The following DPYSL2 variants were observed in gnomAD, a reference collection of about 807,000 sequenced individuals.
The protein encoded by DPYSL2 is dihydropyrimidinase-related protein 2.
A neutral mutation model predicts 69.9 loss-of-function variants in DPYSL2; 13 were observed. That is an observed-to-expected ratio of 0.19 (90% confidence interval 0.12 to 0.30). DPYSL2 has a LOEUF of 0.30. Among genes scored for constraint, DPYSL2 ranks in the 10% least tolerant of loss-of-function variants. The probability of loss-of-function intolerance (pLI) is 1.00; values close to 1 mark genes in which losing one functional copy is unlikely to be tolerated. For missense variants in DPYSL2, 587 were observed against 918.9 expected (o/e 0.64, Z 4.67); for synonymous variants, 326 against 359.1 (o/e 0.91, Z 1.04).
At chr8:26,595,034 A>G (rs1468901988) in intron 3 of DPYSL2, among the ~76,000 whole-genome samples, 2 of 152,000 alleles carry the variant, frequency 1.3e-5, no homozygotes, top group Non-Finnish European at 2.9e-5. Flanking sequence ...AAATCAATCA[A>G]TCAATCAATC....
chr8:26,576,528 A>G (rs1264223885), intron 1 of DPYSL2, among the ~76,000 whole-genome samples: 1 of 152,164 alleles, frequency 6.6e-6, no homozygotes, highest in Non-Finnish European at 1.5e-5. Context: ...CTGAGGATCA[A>G]CTGGATCAGC....
intron 1 of DPYSL2, among the ~76,000 whole-genome samples, chr8:26,532,938 C>T (rs1422701926): frequency 6.6e-6 from 1 of 152,110 alleles, no homozygotes; most frequent in South Asian, 2.1e-4. Context: ...GAGGAACTGC[C>T]AAACTGTTTC....
At chr8:26,526,583 T>C (rs1808481625) in intron 1 of DPYSL2, among the ~76,000 whole-genome samples, 1 of 152,218 alleles carries the variant, frequency 6.6e-6, no homozygotes. Flanking sequence ...TCTAGAACCA[T>C]GGTGATAATA....
chr8:26,601,074 A>G (rs1455223742), intron 3 of DPYSL2, among the ~76,000 whole-genome samples: 2 of 152,196 alleles, frequency 1.3e-5, no homozygotes, highest in Admixed American at 6.5e-5. Context: ...CCTGCCGCTG[A>G]TGGAGATTCC....
intron 1 of DPYSL2, among the ~76,000 whole-genome samples, chr8:26,576,676 C>T (rs1477944246): frequency 6.6e-6 from 1 of 152,248 alleles, no homozygotes; most frequent in Non-Finnish European, 1.5e-5. Flanking sequence ...AAGGCTCTGC[C>T]TGGGCAGTCA....
chr8:26,622,884 GT>G (rs1178978525), intron 3 of DPYSL2, among the ~76,000 whole-genome samples: 5 of 152,176 alleles, frequency 3.3e-5, no homozygotes, highest in Non-Finnish European at 7.3e-5. Flanking sequence ...ATGGACTGAT[GT>G]TTTCTTAGCT....
At position 26,655,661 on chromosome 8, in the gene DPYSL2, C is replaced by A; in HGVS notation, c.1989C>A (p.Ile663=). ...DNIPRRTTQR[I]VAPPGGRANI... ...TTCCCCGCCGCACCACCCAGCGTAT[C>A]GTGGCGCCCCCCGGTGGCCGTGCCA... Residue 663 remains isoleucine, a synonymous_variant, in exon 14 of 14, where the codon ATC becomes ATA. Transcript: ENST00000521913. The A allele has an allele frequency of 1.2e-6, 2 of 1,610,046 alleles. No individual in the cohort carries two copies. The highest frequency in any genetic ancestry group is 1.7e-6 in the Non-Finnish European group (2 of 1,179,502).
At position 26,639,435 on chromosome 8, in the gene DPYSL2, C is replaced by T. The variant is rs957844021; in HGVS notation, c.1127-4004C>T. Among the ~76,000 whole-genome samples the T allele has an allele frequency of 1.2e-4, 18 of 152,184 alleles. 1 individual carries two copies. Among genetic ancestry groups the T allele is most frequent in the Admixed American group, 9.8e-4 (15 of 15,280 alleles). The stretch of plus-strand genomic sequence containing the variant: ...TCCCAATCTATGCCCTCACTTTTAA[C>T]GGCAGATGGTCTGCAAGGTTGGGAA... On this transcript the variant is annotated intron_variant, in intron 8 of 13. Transcript: ENST00000521913.
rs530605777 is a variant in DPYSL2, at chr8:26,620,951, A to C, written c.629-3192A>C. ...CCACATCTACATACACATATTTTACATACACATATACACATATAAATACAC... is the reference window on the plus strand; with the variant it reads ...CCACATCTACATACACATATTTTACCTACACATATACACATATAAATACAC... On this transcript the variant is annotated intron_variant, in intron 3 of 13. Transcript: ENST00000521913. This position sits in a 1 kb window ranked among gnomAD's most constrained non-coding sequence, Gnocchi z 4.5. Among the ~76,000 whole-genome samples the C allele has an allele frequency of 6.6e-6, 1 of 152,340 alleles. No individual in the cohort carries two copies. The highest frequency in any genetic ancestry group is 2.1e-4 in the South Asian group (1 of 4,826).
Position 26,647,656 on chromosome 8 carries a change from G to T in DPYSL2, c.1452G>T (p.Gln484His). The T allele has an allele frequency of 6.2e-7, 1 of 1,613,794 alleles. No homozygotes were observed. Residue 484 changes from glutamine (Q) to histidine (H), a missense_variant, in exon 11 of 14, where the codon CAG becomes CAT. By Grantham distance (24) the Gln-to-His change is conservative (BLOSUM62 0). Coordinates refer to ENST00000521913, the MANE Select transcript of DPYSL2 (RefSeq NM_001197293.3). The surrounding 1 kb of genome is among the most constrained non-coding windows in gnomAD (Gnocchi z 5.1). ...AVVTGKMDENQFVAVTSTNAA... is the reference protein window; with the variant it reads ...AVVTGKMDENHFVAVTSTNAA... ...TCACTGGGAAGATGGATGAGAACCAGTTTGTGGCTGTGACCAGCACCAATG... is the reference window on the plus strand; with the variant it reads ...TCACTGGGAAGATGGATGAGAACCATTTTGTGGCTGTGACCAGCACCAATG...
chr8:26,561,080 G>A (rs10108849), intron 1 of DPYSL2, among the ~76,000 whole-genome samples: 5 of 151,916 alleles, frequency 3.3e-5, no homozygotes, highest in Non-Finnish European at 4.4e-5. Flanking sequence ...TGGGAGGGGG[G>A]TGAGTATGAG....
Position 26,571,882 on chromosome 8 carries a change from C to T in DPYSL2, c.355-10087C>T, listed in dbSNP as rs960558880. ...CAGTCTCTGACCCTTCAGAGCTACA[C>T]ACACAAAGAAAACGATCGTCATTGC... On this transcript the variant is annotated intron_variant, in intron 1 of 13. Transcript: ENST00000521913. This position sits in a 1 kb window ranked among gnomAD's most constrained non-coding sequence, Gnocchi z 6.1. Among the ~76,000 whole-genome samples the T allele has an allele frequency of 6.6e-6, 1 of 152,216 alleles. No homozygotes were observed. Among genetic ancestry groups the T allele is most frequent in the African/African-American group, 2.4e-5 (1 of 41,456 alleles).
intron 8 of DPYSL2, among the ~76,000 whole-genome samples, chr8:26,636,696 AC>A (rs1056847626): frequency 1.5e-4 from 23 of 151,008 alleles, no homozygotes; most frequent in African/African-American, 5.6e-4. Context: ...TGGACCTATT[AC>A]CCCAACTCAG....
At chr8:26,570,323 G>T (rs1015673947) in intron 1 of DPYSL2, among the ~76,000 whole-genome samples, 10 of 152,170 alleles carry the variant, frequency 6.6e-5, no homozygotes, top group Admixed American at 6.5e-4. Flanking sequence ...GGGAGAAGGG[G>T]AAACATCTAA....
chr8:26,634,428 C>CT (rs55746168), intron 7 of DPYSL2, among the ~76,000 whole-genome samples: 10,331 of 91,070 alleles, frequency 0.11, 758 homozygotes, highest in Admixed American at 0.26. Context: ...CCATGCCCAG[C>CT]TTTTTTTTTT....
chr8:26,622,090 T>TTTCCTTTCCTTCC (rs1802495313), intron 3 of DPYSL2, among the ~76,000 whole-genome samples: 1 of 64,376 alleles, frequency 1.6e-5, no homozygotes, highest in African/African-American at 6.0e-5. Context: ...TCTTTCTTTC[T>TTTCCTTTCCTTCC]TTCCTTCCTT....
At chr8:26,539,981 C>G (rs1369877080) in intron 1 of DPYSL2, among the ~76,000 whole-genome samples, 1 of 152,168 alleles carries the variant, frequency 6.6e-6, no homozygotes, top group East Asian at 1.9e-4. Flanking sequence ...AAACATAAAA[C>G]CACCAAAAGG....
chr8:26,583,097 C>A (rs904674471), intron 2 of DPYSL2, among the ~76,000 whole-genome samples: 2 of 152,256 alleles, frequency 1.3e-5, no homozygotes, highest in Middle Eastern at 3.4e-3. Context: ...TTACTCATCA[C>A]TGATTTGTTC....
At chr8:26,577,733 C>G (rs2129713852) in intron 1 of DPYSL2, 4 of 886,532 alleles carry the variant, frequency 4.5e-6, no homozygotes, top group Non-Finnish European at 5.4e-6. Flanking sequence ...GCGCTCCCAG[C>G]GCGGGCGCTC....
Sources: allele counts gnomAD v4.1 joint callset (sites outside exome capture counted in the v4.1 genomes callset), GRCh38; gene constraint gnomAD v4.1.1; non-coding constraint Gnocchi (gnomAD v3.1); transcripts MANE v1.5; gene names NCBI Gene and HGNC (gene_info 2026-07-23, HGNC 2026-07-21).